Variants in ADGRF3 observed in about 807,000 individuals in gnomAD.
The protein encoded by ADGRF3 is adhesion G protein-coupled receptor F3.
ADGRF3 carries 85 observed loss-of-function variants against 93.2 expected under a neutral mutation model. The ratio of observed to expected loss-of-function variants is 0.91; its 90% CI spans 0.77 to 1.09. The LOEUF is 1.09. Among genes scored for constraint, ADGRF3 ranks in the 50% least tolerant of loss-of-function variants. ADGRF3 has a pLI of 0.00. For synonymous variants in ADGRF3, 534 were observed against 532.5 expected (o/e 1.00, Z -0.04); for missense variants, 1,125 against 1,246.2 (o/e 0.90, Z 1.46).
intron 1 of ADGRF3, chr2:26,318,069 G>A: frequency 6.4e-7 from 1 of 1,551,254 alleles, no homozygotes; most frequent in Non-Finnish European, 8.7e-7. Flanking sequence ...CTGGCCCTTG[G>A]GCCATCGGCC....
chr2:26,330,283 A>G (rs562485628), intron 1 of ADGRF3, among the ~76,000 whole-genome samples: 3 of 152,274 alleles, frequency 2.0e-5, no homozygotes, highest in Non-Finnish European at 2.9e-5. Flanking sequence ...TTAGAGTCAG[A>G]TCCACGCCTG....
chr2:26,311,585 A>C lies in ADGRF3; in HGVS notation c.1939T>G (p.Cys647Gly), dbSNP rs1437301320. ...DFGNTDGSPH[C>G]VFWDHSLFQG... ...AAGAGACTGTGATCCCAGAAGACAC[A>C]GTGAGGGGAACCATCTGTGTTCCCA... Residue 647 changes from cysteine (C) to glycine (G), a missense_variant, in exon 10 of 14, where the codon TGT becomes GGT. By Grantham distance (159) the Cys-to-Gly change is radical. Transcript: ENST00000651242. 6.2e-7 allele frequency: 1 copy of C among 1,613,776 alleles called. No individual in the cohort carries two copies. Among genetic ancestry groups the C allele is most frequent in the African/African-American group, 1.3e-5 (1 of 74,930 alleles).
chr2:26,319,160 A>C, intron 1 of ADGRF3: 1 of 1,156,670 alleles, frequency 8.6e-7, no homozygotes, highest in Non-Finnish European at 1.2e-6. Flanking sequence ...GCCAGGGCTG[A>C]ATTTACAGAG....
At position 26,336,722 on chromosome 2, in the gene ADGRF3, T is replaced by TAA. The variant is rs57691864; in HGVS notation, c.114+9397_114+9398dup. On this transcript the variant is annotated intron_variant, in intron 1 of 13. Coordinates refer to ENST00000651242, the MANE Select transcript of ADGRF3 (RefSeq NM_001321971.2). ...ACCTTGGTGACAGAGTGAGACTCCA[T>TAA]AAAAAAAAAAAAAAAAAAAAAAAAA... Among the ~76,000 whole-genome samples the TAA allele has an allele frequency of 2.9e-3, 65 of 22,084 alleles. 7 individuals carry two copies. Among genetic ancestry groups the TAA allele is most frequent in the African/African-American group, 7.3e-3 (57 of 7,758 alleles). 14.5% of individuals were successfully genotyped at this position (22,084 alleles called of 152,430 possible).
intron 1 of ADGRF3, among the ~76,000 whole-genome samples, chr2:26,318,546 T>C (rs1398436067): frequency 6.6e-6 from 1 of 152,214 alleles, no homozygotes; most frequent in African/African-American, 2.4e-5. Context: ...GACATAGCCA[T>C]AGATATAGCT....
chr2:26,308,747 C>A lies in ADGRF3; in HGVS notation c.*339G>T, dbSNP rs1673765291. The A allele has an allele frequency of 3.6e-6, 1 of 275,806 alleles. No homozygotes were observed. The highest frequency in any genetic ancestry group is 6.8e-6 in the Non-Finnish European group (1 of 148,128). 17.1% of individuals were successfully genotyped at this position (275,806 alleles called of 1,614,324 possible). On this transcript the variant is annotated 3_prime_UTR_variant, in exon 14 of 14. Coordinates refer to ENST00000651242, the MANE Select transcript of ADGRF3 (RefSeq NM_001321971.2). ...TAAAACCATTTTTATCAAATATATT[C>A]ATTCACAACATGTATTGTTGTAGTT...
intron 1 of ADGRF3, among the ~76,000 whole-genome samples, chr2:26,320,159 G>C (rs1407296319): frequency 2.0e-5 from 3 of 152,144 alleles, no homozygotes; most frequent in African/African-American, 4.8e-5. Context: ...ATAGAAAATA[G>C]GCAAAAGATG....
In ADGRF3 at chr2:26,315,613, G is replaced by A; in HGVS notation, c.627C>T (p.Pro209=). Residue 209 remains proline, a synonymous_variant, in exon 5 of 14, where the codon CCC becomes CCT. Coordinates refer to ENST00000651242, the MANE Select transcript of ADGRF3 (RefSeq NM_001321971.2). ...CCTGTGTCCCTGGCTGCAGGAGGAT[G>A]GGACTGGGGCTCCCTGGGTGCCTCA... The part of the protein sequence containing the change: ...WFLRHPGSPS[P]ILLQPGTQVS... The A allele has an allele frequency of 6.4e-7, 1 of 1,551,634 alleles. No individual in the cohort carries two copies. Among genetic ancestry groups the A allele is most frequent in the Non-Finnish European group, 8.7e-7 (1 of 1,146,998 alleles).
chr2:26,311,621 T>C lies in ADGRF3; in HGVS notation c.1903A>G (p.Ile635Val), dbSNP rs370270158. 1 of 1,613,568 alleles carries C rather than the reference T, an allele frequency of 6.2e-7. No homozygotes were observed. The highest frequency in any genetic ancestry group is 8.5e-7 in the Non-Finnish European group (1 of 1,179,898). The change falls in exon 10 of 14, where the codon ATC (isoleucine) becomes GTC (valine). Residue 635 changes from isoleucine to valine, a missense_variant. Ile to Val is a conservative substitution (Grantham distance 29). Coordinates refer to ENST00000651242, the MANE Select transcript of ADGRF3 (RefSeq NM_001321971.2). ...CCATCTGTGTTCCCAAAGTCCATGA[T>C]GACCTCTCCCTGGCTGAAGGCCCGG... The part of the protein sequence containing the change: ...GDRAFSQGEV[I>V]MDFGNTDGSP...
Position 26,311,726 on chromosome 2 carries a change from AG to A in ADGRF3, c.1797del (p.Ser600GlnfsTer106). The A allele has an allele frequency of 6.2e-7, 1 of 1,613,348 alleles. No individual in the cohort carries two copies. Among genetic ancestry groups the A allele is most frequent in the South Asian group, 1.1e-5 (1 of 90,958 alleles). On this transcript the variant is annotated frameshift_variant, in exon 10 of 14. Coordinates refer to ENST00000651242, the MANE Select transcript of ADGRF3 (RefSeq NM_001321971.2). LOFTEE classifies it high-confidence loss of function. ...LVLRKLDHLL[P>X]SNYGQGLGDS... Reference sequence around the variant, plus strand: ...TCCCCCAGCCCTTGTCCATAGTTTGAGGGCAGAAGGTGGTCCAGTTTTCGCA... The same window carrying A: ...TCCCCCAGCCCTTGTCCATAGTTTGAGGCAGAAGGTGGTCCAGTTTTCGCA...
Position 26,313,368 on chromosome 2 carries a change from A to G in ADGRF3, c.1269+9T>C. ...AGGGGGCACGTGGGCAGCAGGGTGG[A>G]AGCTTCACCTTGGTTCTAGTGAACA... On this transcript the variant is annotated intron_variant, in intron 8 of 13. Coordinates refer to ENST00000651242, the MANE Select transcript of ADGRF3 (RefSeq NM_001321971.2). The G allele has an allele frequency of 6.4e-7, 1 of 1,570,892 alleles. No homozygotes were observed. The highest frequency in any genetic ancestry group is 8.6e-7 in the Non-Finnish European group (1 of 1,158,724).
chr2:26,316,889 C>A, intron 3 of ADGRF3, 23 bp downstream of exon 3: 3 of 1,588,010 alleles, frequency 1.9e-6, no homozygotes, highest in Non-Finnish European at 2.6e-6. Flanking sequence ...TCACTCTCAG[C>A]CCCCTTCCCA....
intron 10 of ADGRF3, 130 bp from the exon 11 acceptor site, chr2:26,310,367 G>T: frequency 1.0e-6 from 1 of 995,930 alleles, no homozygotes. Context: ...CCACTATTTG[G>T]TGCATAGGAT....
In ADGRF3 at chr2:26,311,130, C is replaced by T; in HGVS notation, c.2394G>A (p.Leu798=). 1 of 1,595,824 alleles carries T rather than the reference C, an allele frequency of 6.3e-7. No individual in the cohort carries two copies. The highest frequency in any genetic ancestry group is 1.1e-5 in the South Asian group (1 of 88,494). The change falls in exon 10 of 14, where the codon TTG becomes TTA. Residue 798 remains leucine (L), a synonymous_variant. Coordinates refer to ENST00000651242, the MANE Select transcript of ADGRF3 (RefSeq NM_001321971.2). ...FFWMLAQALV[L]AHQLLFVFHQ... ...GAAAGACAAAGAGCAGCTGGTGGGC[C>T]AACACCAGGGCCTGCGCCAGCATCC...
At position 26,310,677 on chromosome 2, in the gene ADGRF3, C is replaced by T. The variant is rs905483552; in HGVS notation, c.2832+15G>A. On this transcript the variant is annotated intron_variant, in intron 10 of 13. Coordinates refer to ENST00000651242, the MANE Select transcript of ADGRF3 (RefSeq NM_001321971.2). ...CTAAAAAAGCAAAAAACACAGCCACCCCCCTATCACCTACCTGGAGGGTGT... is the reference window on the plus strand; with the variant it reads ...CTAAAAAAGCAAAAAACACAGCCACTCCCCTATCACCTACCTGGAGGGTGT... 2.5e-6 allele frequency: 4 copies of T among 1,602,386 alleles called. No homozygotes were observed. In the African/African-American group the frequency reaches 5.4e-5, roughly 21 times the overall value.
At chr2:26,322,133 T>G (rs769001513) in intron 1 of ADGRF3, among the ~76,000 whole-genome samples, 1 of 149,488 alleles carries the variant, frequency 6.7e-6, no homozygotes, top group Non-Finnish European at 1.5e-5. Context: ...AATATGAAAA[T>G]TAGCTGGGTG....
Position 26,315,683 on chromosome 2 carries a change from A to G in ADGRF3, c.557T>C (p.Leu186Pro). ...QLQMPGDTLS[L>P]TLHLSQEATN... Reference sequence around the variant, plus strand: ...GGCCTCCTGGCTCAGATGGAGAGTCAGGCTCAGCGTGTCACCAGGCATCTG... The same window carrying G: ...GGCCTCCTGGCTCAGATGGAGAGTCGGGCTCAGCGTGTCACCAGGCATCTG... The change falls in exon 5 of 14, where the codon CTG becomes CCG. Residue 186 changes from leucine (L) to proline (P), a missense_variant. By Grantham distance (98) the Leu-to-Pro change is moderately conservative. Transcript: ENST00000651242. 1 of 1,551,604 alleles carries G rather than the reference A, an allele frequency of 6.4e-7. No homozygotes were observed. The highest frequency in any genetic ancestry group is 8.7e-7 in the Non-Finnish European group (1 of 1,146,986).
intron 1 of ADGRF3, among the ~76,000 whole-genome samples, chr2:26,325,539 A>T (rs1406295538): frequency 6.6e-6 from 1 of 152,208 alleles, no homozygotes; most frequent in Non-Finnish European, 1.5e-5. Flanking sequence ...TATTAAAGCT[A>T]TGTACCTCAA....
chr2:26,312,900 C>T, intron 9 of ADGRF3, 43 bp downstream of exon 9: 1 of 1,543,856 alleles, frequency 6.5e-7, no homozygotes, highest in Non-Finnish European at 8.8e-7. Flanking sequence ...GTCTTCAGCC[C>T]CCGACTGCCC....
Sources: allele counts gnomAD v4.1 joint callset (sites outside exome capture counted in the v4.1 genomes callset), GRCh38; gene constraint gnomAD v4.1.1; transcripts MANE v1.5; gene names NCBI Gene and HGNC (gene_info 2026-07-23, HGNC 2026-07-21).